Variants in CCDC50 observed in about 807,000 individuals in gnomAD.
CCDC50 encodes the protein coiled-coil domain containing 50.
A neutral mutation model predicts 70.2 loss-of-function variants in CCDC50; 54 were observed. The ratio of observed to expected loss-of-function variants is 0.77; its 90% CI spans 0.62 to 0.96. The LOEUF is 0.96. Ranked by LOEUF, CCDC50 falls within the 50% of genes least tolerant of loss-of-function variation. The probability of loss-of-function intolerance (pLI) is 0.00; values close to 1 mark genes in which losing one functional copy is unlikely to be tolerated. For missense variants in CCDC50, 558 were observed against 578.7 expected (o/e 0.96, Z 0.37); for synonymous variants, 216 against 198.8 (o/e 1.09, Z -0.73).
Position 191,380,153 on chromosome 3 carries a change from T to TTTAAAGGAA in CCDC50, c.977-5_977-4insTAAAGGAAT. The TTTAAAGGAA allele has an allele frequency of 6.7e-7, 1 of 1,486,686 alleles. No individual in the cohort carries two copies. Among genetic ancestry groups the TTTAAAGGAA allele is most frequent in the Admixed American group, 1.8e-5 (1 of 56,348 alleles). 92.1% of individuals were successfully genotyped at this position (1,486,686 alleles called of 1,614,324 possible). A position where few individuals can be genotyped will look rare whatever the true frequency, so the allele number is the denominator to read the frequency against. ...TATTACATTGAGTTTTTTTTTTTTTTTAAAGGAATGAAGCCAAGAGTGATG... is the reference window on the plus strand; with the variant it reads ...TATTACATTGAGTTTTTTTTTTTTTTTTAAAGGAATAAAGGAATGAAGCCAAGAGTGATG... On this transcript the variant is annotated splice_region_variant and splice_polypyrimidine_tract_variant and intron_variant, in intron 6 of 11. Transcript: ENST00000392455.
chr3:191,344,614 T>C (rs1298474833), intron 1 of CCDC50, among the ~76,000 whole-genome samples: 1 of 152,232 alleles, frequency 6.6e-6, no homozygotes, highest in Non-Finnish European at 1.5e-5. Flanking sequence ...AGTCTCGCTC[T>C]GTCACGCAGG....
At chr3:191,334,164 G>C (rs1718071098) in intron 1 of CCDC50, among the ~76,000 whole-genome samples, 1 of 151,996 alleles carries the variant, frequency 6.6e-6, no homozygotes, top group African/African-American at 2.4e-5. Flanking sequence ...GTTGTGTTGA[G>C]GGTATTTCCA....
intron 1 of CCDC50, among the ~76,000 whole-genome samples, chr3:191,351,071 T>C (rs916873827): frequency 1.4e-5 from 2 of 141,600 alleles, no homozygotes; most frequent in African/African-American, 5.0e-5. Context: ...TTCTAAAGAC[T>C]CTTACCCCAT....
chr3:191,335,462 T>G (rs1711504354), intron 1 of CCDC50, among the ~76,000 whole-genome samples: 1 of 152,172 alleles, frequency 6.6e-6, no homozygotes, highest in Non-Finnish European at 1.5e-5. Flanking sequence ...GTTTTTATAT[T>G]TAGAAGGACT....
intron 1 of CCDC50, among the ~76,000 whole-genome samples, chr3:191,333,146 A>G (rs899520205): frequency 6.6e-6 from 1 of 152,062 alleles, no homozygotes; most frequent in South Asian, 2.1e-4. Flanking sequence ...AACATCTGAA[A>G]TCAGTTTACC....
In CCDC50 at chr3:191,375,854, C is replaced by T. The variant is rs116720825; in HGVS notation, c.976+265C>T. On this transcript the variant is annotated intron_variant, in intron 6 of 11. Transcript: ENST00000392455. ...CCATGCCCAGGTTGTATTAGAGGTA[C>T]CCATTCCAGATATAGTTCTTCATTT... Among the ~76,000 whole-genome samples, 3,732 of 152,170 alleles carry T rather than the reference C, an allele frequency of 0.025. 64 individuals carry two copies. The highest frequency in any genetic ancestry group is 0.041 in the Middle Eastern group (12 of 294).
intron 1 of CCDC50, among the ~76,000 whole-genome samples, chr3:191,337,520 T>A (rs1237502396): frequency 6.6e-6 from 1 of 152,102 alleles, no homozygotes; most frequent in Non-Finnish European, 1.5e-5. Context: ...AATTTTTGTA[T>A]TTTTAGTAGA....
intron 6 of CCDC50, 106 bp downstream of exon 6, chr3:191,375,695 C>A: frequency 8.5e-7 from 1 of 1,181,374 alleles, no homozygotes; most frequent in Non-Finnish European, 1.2e-6. Flanking sequence ...CTAGTTCATG[C>A]TCATGACTTT....
rs1264760837 is a variant in CCDC50 at position 191,392,432 on chromosome 3, GTATT to G, written c.*677_*680del. On this transcript the variant is annotated 3_prime_UTR_variant, in exon 12 of 12. Transcript: ENST00000392455. ...CTCCTGGGCAATGGAACATTTATTA[GTATT>G]TATTGACAAAAATTTAGTTCTCTGA... 1 of 152,076 alleles carries G rather than the reference GTATT, an allele frequency of 6.6e-6. No homozygotes were observed. The highest frequency in any genetic ancestry group is 1.5e-5 in the Non-Finnish European group (1 of 68,004). 9.4% of individuals were successfully genotyped at this position (152,076 alleles called of 1,614,324 possible).
chr3:191,376,885 A>T (rs1010416367), intron 6 of CCDC50, among the ~76,000 whole-genome samples: 1 of 152,134 alleles, frequency 6.6e-6, no homozygotes, highest in Non-Finnish European at 1.5e-5. Context: ...TGGAGGAAGA[A>T]TGATGTACAC....
chr3:191,364,502 A>AT (rs1383332078), intron 4 of CCDC50, among the ~76,000 whole-genome samples: 2 of 150,942 alleles, frequency 1.3e-5, no homozygotes, highest in Admixed American at 1.3e-4. Flanking sequence ...TCTTTAAGAG[A>AT]TTTTTGGGGT....
intron 1 of CCDC50, among the ~76,000 whole-genome samples, chr3:191,337,480 G>A (rs886595368): frequency 2.6e-5 from 4 of 151,770 alleles, no homozygotes; most frequent in East Asian, 1.9e-4. Context: ...GAGTAGCTGG[G>A]ATTACAGTTG....
chr3:191,337,936 G>T (rs1304253845), intron 1 of CCDC50, among the ~76,000 whole-genome samples: 1 of 152,028 alleles, frequency 6.6e-6, no homozygotes, highest in Non-Finnish European at 1.5e-5. Flanking sequence ...GAGGTACCTA[G>T]GCTAATTTAT....
At chr3:191,338,925 T>C (rs1453123901) in intron 1 of CCDC50, among the ~76,000 whole-genome samples, 1 of 152,216 alleles carries the variant, frequency 6.6e-6, no homozygotes, top group Non-Finnish European at 1.5e-5. Flanking sequence ...ATTTTGTTGC[T>C]GTTACTAGAG....
chr3:191,387,434 A>G lies in CCDC50; in HGVS notation c.1323-2062A>G, dbSNP rs890583802. On this transcript the variant is annotated intron_variant, in intron 10 of 11. Transcript: ENST00000392455. ...AATAAGATTTTTCTAACTTGGATATATATGCTGTAACTTTAAAACAATTGT... is the reference window on the plus strand; with the variant it reads ...AATAAGATTTTTCTAACTTGGATATGTATGCTGTAACTTTAAAACAATTGT... Among the ~76,000 whole-genome samples the G allele has an allele frequency of 9.9e-5, 15 of 152,172 alleles. 1 individual carries two copies. The highest frequency in any genetic ancestry group is 5.9e-5 in the Non-Finnish European group (4 of 68,014).
Position 191,394,975 on chromosome 3 carries a change from C to A in CCDC50, c.*3215C>A, listed in dbSNP as rs746098823. 48 of 152,070 alleles carry A rather than the reference C, an allele frequency of 3.2e-4. No homozygotes were observed. Among genetic ancestry groups the A allele is most frequent in the Non-Finnish European group, 5.1e-4 (35 of 67,968 alleles). 9.4% of individuals were successfully genotyped at this position (152,070 alleles called of 1,614,324 possible). On this transcript the variant is annotated 3_prime_UTR_variant, in exon 12 of 12. Transcript: ENST00000392455. ...CCAGCAGCAGCATACCAATAAATTA[C>A]AAAAGCAGAAAATGAAAATTAACCC... is the stretch of plus-strand genomic sequence containing the variant.
intron 5 of CCDC50, among the ~76,000 whole-genome samples, chr3:191,374,745 T>C (rs750744721): frequency 1.3e-5 from 2 of 152,222 alleles, no homozygotes; most frequent in African/African-American, 2.4e-5. Flanking sequence ...TAGAACTTAA[T>C]GTTTAATGGC....
At chr3:191,383,471 A>C (rs546921983) in intron 10 of CCDC50, among the ~76,000 whole-genome samples, 1 of 152,140 alleles carries the variant, frequency 6.6e-6, no homozygotes, top group Non-Finnish European at 1.5e-5. Flanking sequence ...CATGATTGGA[A>C]TGTGAAGAAA....
At chr3:191,372,618 G>A (rs2364381) in intron 5 of CCDC50, among the ~76,000 whole-genome samples, 73,375 of 151,840 alleles carry the variant, frequency 0.48, 18,894 homozygotes, top group African/African-American at 0.68. Context: ...GAAATGGTCA[G>A]TTTTTCAACT....
Sources: gnomAD v4.1 joint callset for allele counts (sites outside exome capture counted in the v4.1 genomes callset) on GRCh38, gnomAD v4.1.1 for gene constraint, MANE v1.5 for transcripts, NCBI Gene and HGNC (gene_info 2026-07-23, HGNC 2026-07-21) for gene names.